Variants in CCDC158 observed in about 807,000 individuals in gnomAD.
CCDC158 encodes coiled-coil domain-containing protein 158.
A neutral mutation model predicts 138.6 loss-of-function variants in CCDC158; 116 were observed. The observed-to-expected ratio is 0.84, with a 90% CI of 0.72 to 0.98. The LOEUF (loss-of-function observed/expected upper bound fraction) is 0.98, where lower values mean the gene tolerates loss of function less well. Among genes scored for constraint, CCDC158 ranks in the 50% least tolerant of loss-of-function variants. The pLI, the probability that CCDC158 is intolerant of heterozygous loss-of-function variation, is 0.00. For synonymous variants in CCDC158, 436 were observed against 442.4 expected (o/e 0.99, Z 0.18); for missense variants, 1,265 against 1,306.1 (o/e 0.97, Z 0.48).
chr4:76,319,710 A>G (rs956157554), intron 24 of CCDC158, among the ~76,000 whole-genome samples: 4 of 151,710 alleles, frequency 2.6e-5, no homozygotes, highest in African/African-American at 9.7e-5. Context: ...ATCTCAAAAA[A>G]TGCAGAAAAA....
intron 1 of CCDC158, among the ~76,000 whole-genome samples, chr4:76,413,595 A>G (rs1729467352): frequency 6.6e-6 from 1 of 152,182 alleles, no homozygotes; most frequent in South Asian, 2.1e-4. Flanking sequence ...TTTTCTAAAG[A>G]CTAGAGCACC....
At chr4:76,341,514 T>G (rs1285290157) in intron 18 of CCDC158, among the ~76,000 whole-genome samples, 1 of 152,220 alleles carries the variant, frequency 6.6e-6, no homozygotes, top group Non-Finnish European at 1.5e-5. Flanking sequence ...ACATCATGTA[T>G]ATTTCATTGG....
chr4:76,379,734 C>A (rs1726049188), intron 8 of CCDC158, among the ~76,000 whole-genome samples: 1 of 122,614 alleles, frequency 8.2e-6, no homozygotes, highest in South Asian at 3.0e-4. Flanking sequence ...TATATATATT[C>A]ATATATATTA....
chr4:76,419,656 T>C (rs1179060424), intron 1 of CCDC158, among the ~76,000 whole-genome samples: 3 of 152,050 alleles, frequency 2.0e-5, no homozygotes, highest in East Asian at 1.9e-4. Flanking sequence ...CTCTTCGGCC[T>C]ATATCAAATC....
Position 76,325,983 on chromosome 4 carries a change from A to T in CCDC158, c.3043T>A (p.Ser1015Thr). Residue 1015 changes from serine to threonine, a missense_variant, in exon 23 of 25, where the codon TCA (serine) becomes ACA (threonine). Coordinates refer to ENST00000682701, the MANE Select transcript of CCDC158 (RefSeq NM_001394954.1). ...SPSVKNSASR[S>T]FNSSPKKSPV... ...GACTTCTTAGGAGAAGAATTGAATG[A>T]ACGAGAAGCTGAGTTTTTCACAGAT... is the stretch of plus-strand genomic sequence containing the variant. 1 of 1,612,910 alleles carries T rather than the reference A, an allele frequency of 6.2e-7. No homozygotes were observed. The highest frequency in any genetic ancestry group is 8.5e-7 in the Non-Finnish European group (1 of 1,179,510).
At chr4:76,319,568 C>T (rs1455669677) in intron 24 of CCDC158, among the ~76,000 whole-genome samples, 1 of 130,020 alleles carries the variant, frequency 7.7e-6, no homozygotes, top group African/African-American at 3.0e-5. Flanking sequence ...CTGAATCCAA[C>T]ACCATATCAA....
chr4:76,367,527 G>C lies in CCDC158; in HGVS notation c.1597C>G (p.Leu533Val), dbSNP rs904351674. Residue 533 changes from leucine to valine, a missense_variant, in exon 12 of 25, where the codon CTG (leucine) becomes GTG (valine). Transcript: ENST00000682701. ...TCCCCTTCATTTTTCAAGTGTTGCA[G>C]CTCCTGCAATTTCAAGTCCACCCGG... ...RSRVDLKLQE[L>V]QHLKNEGDHL... 1.2e-6 allele frequency: 2 copies of C among 1,614,050 alleles called. No homozygotes were observed. Among genetic ancestry groups the C allele is most frequent in the South Asian group, 2.2e-5 (2 of 91,084 alleles).
intron 4 of CCDC158, among the ~76,000 whole-genome samples, chr4:76,385,524 G>A (rs28479143): frequency 6.6e-6 from 1 of 152,042 alleles, no homozygotes; most frequent in African/African-American, 2.4e-5. Context: ...TGGTTGTAAA[G>A]AAAAAAGTTC....
rs377574782 is a variant in CCDC158, at chr4:76,367,597, C to T, written c.1527G>A (p.Glu509=). 88 of 1,614,112 alleles carry T rather than the reference C, an allele frequency of 5.5e-5. No individual in the cohort carries two copies. In the African/African-American group the frequency reaches 1.1e-3, roughly 21 times the overall value. The change falls in exon 12 of 25, where the codon GAG becomes GAA. Residue 509 remains glutamate (E), a synonymous_variant. Coordinates refer to ENST00000682701, the MANE Select transcript of CCDC158 (RefSeq NM_001394954.1). ...SDLTTSLQEK[E]RAIEATNAEI... ...CTGCATTGGTAGCCTCGATGGCTCT[C>T]TCTTTTTCCTGGAGAGAAGTTGTCA...
intron 18 of CCDC158, among the ~76,000 whole-genome samples, chr4:76,337,061 GC>G: frequency 6.6e-6 from 1 of 152,112 alleles, no homozygotes. Context: ...GATCACTGCC[GC>G]CTTGACCTCT....
intron 24 of CCDC158, among the ~76,000 whole-genome samples, chr4:76,318,396 A>G (rs1719613344): frequency 6.6e-6 from 1 of 152,180 alleles, no homozygotes. Flanking sequence ...TTATGTGCAC[A>G]AACTAGAGAA....
chr4:76,313,193 G>A lies in CCDC158; in HGVS notation c.3331C>T (p.Gln1111Ter), dbSNP rs927083359. Residue 1111 changes from glutamine to a stop codon, truncating the protein, a stop_gained, in exon 25 of 25, where the codon CAG becomes TAG. Coordinates refer to ENST00000682701, the MANE Select transcript of CCDC158 (RefSeq NM_001394954.1). LOFTEE classifies it high-confidence loss of function. Reference protein sequence around the residue: ...QEKRIQKVKDQEKMLLK With the variant: ...QEKRIQKVKD The stretch of plus-strand genomic sequence containing the variant: ...AGTCATTTTAGTAACATTTTTTCCT[G>A]GTCTTTTACTTTCTGTATCCTCTTT... 2.5e-6 allele frequency: 4 copies of A among 1,604,674 alleles called. No individual in the cohort carries two copies. Among genetic ancestry groups the A allele is most frequent in the South Asian group, 1.1e-5 (1 of 89,590 alleles).
chr4:76,328,139 C>G (rs1291879171), intron 22 of CCDC158, among the ~76,000 whole-genome samples: 1 of 152,192 alleles, frequency 6.6e-6, no homozygotes, highest in Non-Finnish European at 1.5e-5. Flanking sequence ...TCAATCTCTT[C>G]TTTCTGGAGC....
intron 9 of CCDC158, among the ~76,000 whole-genome samples, chr4:76,376,202 C>T (rs1365732605): frequency 2.6e-5 from 4 of 152,102 alleles, no homozygotes; most frequent in Non-Finnish European, 5.9e-5. Context: ...TACAGGCGCA[C>T]GCTACCATGC....
chr4:76,338,077 C>T (rs548233710), intron 18 of CCDC158, among the ~76,000 whole-genome samples: 3 of 152,342 alleles, frequency 2.0e-5, no homozygotes, highest in Non-Finnish European at 4.4e-5. Flanking sequence ...ATTAGATTCT[C>T]ATAGGAGTGC....
chr4:76,353,142 A>G lies in CCDC158; in HGVS notation c.2426T>C (p.Met809Thr), dbSNP rs372212624. Residue 809 changes from methionine to threonine, a missense_variant, in exon 16 of 25, where the codon ATG (methionine) becomes ACG (threonine). Coordinates refer to ENST00000682701, the MANE Select transcript of CCDC158 (RefSeq NM_001394954.1). ...AATTACCTTATCCAGAGCCACTTCC[A>G]TATTAGTAACCTTTTCTTTCAAACG... ...ERRLKEKVTN[M>T]EVALDKASLQ... The G allele has an allele frequency of 1.6e-5, 26 of 1,612,460 alleles. No individual in the cohort carries two copies. The highest frequency in any genetic ancestry group is 2.2e-5 in the Non-Finnish European group (26 of 1,179,518).
At chr4:76,389,126 G>A (rs1121626) in intron 4 of CCDC158, among the ~76,000 whole-genome samples, 4,473 of 151,992 alleles carry the variant, frequency 0.029, 220 homozygotes, top group African/African-American at 0.1. Flanking sequence ...AGGTACCAGG[G>A]ACCAATTATG....
chr4:76,373,141 G>A (rs1336616815), intron 9 of CCDC158, among the ~76,000 whole-genome samples: 4 of 152,276 alleles, frequency 2.6e-5, no homozygotes, highest in Admixed American at 6.5e-5. Flanking sequence ...GAGCCACCGC[G>A]CCCGGCCTCT....
At chr4:76,355,530 T>C in intron 14 of CCDC158, 94 bp from the exon 15 acceptor site, 1 of 833,074 alleles carries the variant, frequency 1.2e-6, no homozygotes, top group South Asian at 1.4e-5. Flanking sequence ...AGGTGACAAG[T>C]AAGATCCTCC....
Sources: allele counts gnomAD v4.1 joint callset (sites outside exome capture counted in the v4.1 genomes callset), GRCh38; gene constraint gnomAD v4.1.1; transcripts MANE v1.5; gene names NCBI Gene and HGNC (gene_info 2026-07-23, HGNC 2026-07-21).